The following ROBO2 variants were observed in gnomAD, a reference collection of about 807,000 sequenced individuals.
The protein encoded by ROBO2 is roundabout homolog 2.
In ROBO2, 53 loss-of-function variants were observed where a neutral mutation model predicts 160.8. The ratio of observed to expected loss-of-function variants is 0.33; its 90% CI spans 0.26 to 0.41. ROBO2 has a LOEUF of 0.41. Among genes scored for constraint, ROBO2 ranks in the 10% least tolerant of loss-of-function variants. The probability of loss-of-function intolerance (pLI) is 1.00; values close to 1 mark genes in which losing one functional copy is unlikely to be tolerated. For synonymous variants in ROBO2, 664 were observed against 611.7 expected (o/e 1.09, Z -1.26); for missense variants, 1,577 against 1,722.4 (o/e 0.92, Z 1.49).
intron 2 of ROBO2, among the ~76,000 whole-genome samples, chr3:76,465,998 G>GGGGTGTGT (rs143188456): frequency 6.1e-5 from 9 of 147,566 alleles, no homozygotes; most frequent in African/African-American, 2.0e-4. Flanking sequence ...ATAAAATATG[G>GGGGTGTGT]GTGTGTGTGT....
At chr3:77,497,266 T>A (rs2086911769) in intron 5 of ROBO2, among the ~76,000 whole-genome samples, 1 of 152,134 alleles carries the variant, frequency 6.6e-6, no homozygotes. Context: ...AATACATATG[T>A]GTTAGGGACA....
In ROBO2 at chr3:77,546,358, C is replaced by T. The variant is rs772770981; in HGVS notation, c.955C>T (p.Arg319Trp). 14 of 1,612,900 alleles carry T rather than the reference C, an allele frequency of 8.7e-6. No homozygotes were observed. The highest frequency in any genetic ancestry group is 8.0e-5 in the African/African-American group (6 of 74,828). The stretch of plus-strand genomic sequence containing the variant: ...TATAGCTCCCCCACAGTTTGTGGTT[C>T]GGCCAAGAGATCAGATTGTTGCTCA... The change falls in exon 7 of 26, where the codon CGG becomes TGG. Residue 319 changes from arginine (R) to tryptophan (W), a missense_variant. Around this residue, in one of 2 missense-constraint regions of ROBO2, gnomAD observed 940 missense variants for 1,135.5 expected, o/e 0.83. Coordinates refer to ENST00000461745, the Ensembl canonical transcript of ROBO2.
intron 2 of ROBO2, among the ~76,000 whole-genome samples, chr3:76,141,713 A>G (rs1374149640): frequency 6.6e-6 from 1 of 151,986 alleles, no homozygotes; most frequent in East Asian, 1.9e-4. Context: ...CTAAATAAGT[A>G]TTTGAAGATT....
chr3:77,425,740 C>G (rs899895464), intron 2 of ROBO2, among the ~76,000 whole-genome samples: 1 of 151,330 alleles, frequency 6.6e-6, no homozygotes, highest in Non-Finnish European at 1.5e-5. Flanking sequence ...TCTCGGCTCA[C>G]TGCATCCTCC....
intron 2 of ROBO2, among the ~76,000 whole-genome samples, chr3:75,945,833 ATAAAGC>A (rs71101867): frequency 0.43 from 65,575 of 151,328 alleles, 15,415 homozygotes; most frequent in South Asian, 0.66. Context: ...GATGATTTTG[ATAAAGC>A]TACTTTCAAA....
At chr3:77,528,578 A>G (rs1206401622) in intron 6 of ROBO2, among the ~76,000 whole-genome samples, 2 of 151,672 alleles carry the variant, frequency 1.3e-5, no homozygotes, top group African/African-American at 2.4e-5. Flanking sequence ...TAGTAATTTA[A>G]TATCCCTTAT....
intron 19 of ROBO2, 90 bp from the exon 21 acceptor site, chr3:77,602,120 T>G: frequency 3.8e-6 from 5 of 1,312,114 alleles, no homozygotes; most frequent in Non-Finnish European, 5.5e-6. Context: ...AAACGTGCAG[T>G]GTGACACACT....
intron 5 of ROBO2, among the ~76,000 whole-genome samples, chr3:77,497,104 A>G (rs116684212): frequency 1.2e-4 from 18 of 152,236 alleles, no homozygotes; most frequent in African/African-American, 4.3e-4. Context: ...CGACCAAGGG[A>G]CAAAATGGAA....
At chr3:75,922,710 T>G (rs772825488) in intron 1 of ROBO2, among the ~76,000 whole-genome samples, 3 of 152,250 alleles carry the variant, frequency 2.0e-5, no homozygotes, top group South Asian at 2.1e-4. Context: ...TTTATCCATG[T>G]TATAAGTAAA....
intron 2 of ROBO2, among the ~76,000 whole-genome samples, chr3:76,101,214 T>A (rs2069669501): frequency 6.6e-6 from 1 of 152,152 alleles, no homozygotes; most frequent in African/African-American, 2.4e-5. Flanking sequence ...ATTATTATTG[T>A]TTTAGTATTA....
chr3:77,096,218 T>C (rs1290446195), intron 1 of ROBO2, among the ~76,000 whole-genome samples: 1 of 152,180 alleles, frequency 6.6e-6, no homozygotes, highest in African/African-American at 2.4e-5. Context: ...GAAAATCTTA[T>C]ATAAGAGCAA....
chr3:76,385,350 A>T (rs2076832665), intron 2 of ROBO2, among the ~76,000 whole-genome samples: 1 of 152,220 alleles, frequency 6.6e-6, no homozygotes, highest in Non-Finnish European at 1.5e-5. Flanking sequence ...CATATTTTAT[A>T]TAAAAATAGT....
rs540417367 is a variant in ROBO2 at position 77,097,258 on chromosome 3, T to C, written c.62-756T>C. 2.0e-5 allele frequency among the ~76,000 whole-genome samples: 3 copies of C among 152,340 alleles called. No homozygotes were observed. In the East Asian group the frequency reaches 5.8e-4, roughly 29 times the overall value. On this transcript the variant is annotated intron_variant, in intron 1 of 25. Coordinates refer to ENST00000461745, the Ensembl canonical transcript of ROBO2. ...CTCTTGGCATGATGCTTTTTTCTTT[T>C]AGTTGTCATTTTTCATTCTTTACGG...
chr3:76,431,734 G>T (rs1236197546), intron 2 of ROBO2, among the ~76,000 whole-genome samples: 1 of 151,934 alleles, frequency 6.6e-6, no homozygotes, highest in African/African-American at 2.4e-5. Context: ...AAGAAGGAGG[G>T]TGTTATGTTA....
chr3:76,309,238 A>G (rs1276787659), intron 2 of ROBO2, among the ~76,000 whole-genome samples: 1 of 152,228 alleles, frequency 6.6e-6, no homozygotes, highest in East Asian at 1.9e-4. Flanking sequence ...GGTAAACAGG[A>G]TAGTGACTGG....
intron 2 of ROBO2, among the ~76,000 whole-genome samples, chr3:77,389,519 A>G (rs1254351292): frequency 6.6e-6 from 1 of 152,184 alleles, no homozygotes; most frequent in Non-Finnish European, 1.5e-5. Flanking sequence ...CAGGAAAGTC[A>G]GCAGTATTGC....
intron 2 of ROBO2, among the ~76,000 whole-genome samples, chr3:77,102,546 A>G (rs190909736): frequency 6.6e-6 from 1 of 152,316 alleles, no homozygotes; most frequent in East Asian, 1.9e-4. Flanking sequence ...TAAAATGATT[A>G]TTGATTAAAA....
intron 2 of ROBO2, among the ~76,000 whole-genome samples, chr3:76,116,787 TTGTG>T (rs1255330250): frequency 6.6e-6 from 1 of 152,192 alleles, no homozygotes; most frequent in Non-Finnish European, 1.5e-5. Context: ...CCACCAAGCT[TTGTG>T]TGAGCACAGG....
At chr3:76,440,555 T>G (rs1406962405) in intron 2 of ROBO2, among the ~76,000 whole-genome samples, 2 of 152,152 alleles carry the variant, frequency 1.3e-5, no homozygotes, top group Non-Finnish European at 2.9e-5. Flanking sequence ...TGAACAGATT[T>G]AATTGAAGGC....
Sources: allele counts gnomAD v4.1 joint callset (sites outside exome capture counted in the v4.1 genomes callset), GRCh38; gene constraint gnomAD v4.1.1; regional missense constraint gnomAD v4.1.1; transcripts MANE v1.5; gene names NCBI Gene and HGNC (gene_info 2026-07-23, HGNC 2026-07-21).